The following TBCA variants were observed in gnomAD, a reference collection of about 807,000 sequenced individuals.
The protein encoded by TBCA is tubulin folding cofactor A.
TBCA carries 6 observed loss-of-function variants against 15.8 expected under a neutral mutation model. The ratio of observed to expected loss-of-function variants is 0.38; its 90% CI spans 0.21 to 0.75. The LOEUF is 0.75. Ranked by LOEUF, TBCA falls within the 30% of genes least tolerant of loss-of-function variation. The probability of loss-of-function intolerance (pLI) is 0.46; values close to 1 mark genes in which losing one functional copy is unlikely to be tolerated. For missense variants in TBCA, 90 were observed against 131.2 expected, an observed-to-expected ratio of 0.69 and a Z score of 1.53; for synonymous variants, 32 against 42.3, an observed-to-expected ratio of 0.76 and a Z score of 0.94.
chr5:77,748,072 A>G (rs1747230757), intron 1 of TBCA, among the ~76,000 whole-genome samples: 1 of 152,212 alleles, frequency 6.6e-6, no homozygotes, highest in East Asian at 1.9e-4. Flanking sequence ...AGCATAAGCA[A>G]TGGTTATTCT....
chr5:77,745,533 GA>G (rs1472914165), intron 1 of TBCA, among the ~76,000 whole-genome samples: 1 of 152,158 alleles, frequency 6.6e-6, no homozygotes, highest in Non-Finnish European at 1.5e-5. Context: ...GTTTAAACCT[GA>G]ATATCTGATA....
chr5:77,705,504 T>G (rs1030788237), intron 2 of TBCA: 1 of 398,246 alleles, frequency 2.5e-6, no homozygotes, highest in African/African-American at 2.1e-5. Context: ...ATTCCATATG[T>G]AAATCCTTAT....
chr5:77,694,363 A>T (rs979393382), intron 2 of TBCA: 3 of 152,196 alleles, frequency 2.0e-5, no homozygotes, highest in African/African-American at 7.2e-5. Flanking sequence ...GATGACAGAC[A>T]CTACAGAATT....
At chr5:77,717,177 T>C (rs191201436) in intron 1 of TBCA, among the ~76,000 whole-genome samples, 46 of 152,332 alleles carry the variant, frequency 3.0e-4, no homozygotes, top group African/African-American at 1.0e-3. Context: ...CGTAAAAGCG[T>C]ACTGCTTCTA....
intron 1 of TBCA, among the ~76,000 whole-genome samples, chr5:77,717,761 G>C (rs964809911): frequency 6.6e-6 from 1 of 151,788 alleles, no homozygotes; most frequent in African/African-American, 2.4e-5. Flanking sequence ...GAAACCAAGA[G>C]GCAGAGGTTG....
Position 77,736,387 on chromosome 5 carries a change from G to T in TBCA, c.54-28040C>A, listed in dbSNP as rs1404469381. On this transcript the variant is annotated intron_variant, in intron 1 of 3. Transcript: ENST00000380377. ...TGGAAAAAAATCATGAAACGACTAG[G>T]AAACAACTGCTCTCTTTTCTTCTAC... Among the ~76,000 whole-genome samples the T allele has an allele frequency of 3.3e-5, 5 of 150,622 alleles. No individual in the cohort carries two copies. The South Asian group carries it at 6.3e-4, about 19-fold the overall frequency.
At chr5:77,723,638 T>C (rs1191664764) in intron 1 of TBCA, among the ~76,000 whole-genome samples, 3 of 151,964 alleles carry the variant, frequency 2.0e-5, no homozygotes, top group Admixed American at 6.6e-5. Context: ...AAAAAATACC[T>C]GTAGTCCATT....
chr5:77,770,574 C>A (rs988831352), intron 1 of TBCA, among the ~76,000 whole-genome samples: 1 of 63,524 alleles, frequency 1.6e-5, no homozygotes, highest in African/African-American at 1.4e-4. Flanking sequence ...TATCCTCCCC[C>A]GCTCCAAAAA....
intron 1 of TBCA, among the ~76,000 whole-genome samples, chr5:77,751,760 G>A (rs1298329019): frequency 6.6e-6 from 1 of 152,186 alleles, no homozygotes; most frequent in African/African-American, 2.4e-5. Context: ...AGCTGTGTGG[G>A]AGACCAGAGT....
intron 2 of TBCA, among the ~76,000 whole-genome samples, chr5:77,701,839 T>C (rs909478398): frequency 6.6e-6 from 1 of 151,108 alleles, no homozygotes; most frequent in African/African-American, 2.4e-5. Flanking sequence ...AGATATATGA[T>C]GGAATACTAC....
Position 77,776,333 on chromosome 5 carries a change from TA to T in TBCA, c.-77del, listed in dbSNP as rs1326189620. ...GAGGGCGACGCGCAGAGGCTGCGGC[TA>T]TTTAGGCGTGGTCGCCGGCGCGCAT... On this transcript the variant is annotated 5_prime_UTR_variant, in exon 1 of 4. Coordinates refer to ENST00000380377, the MANE Select transcript of TBCA (RefSeq NM_004607.3). The T allele has an allele frequency of 5.3e-6, 8 of 1,520,880 alleles. No homozygotes were observed. The East Asian group carries it at 2.0e-4, about 38-fold the overall frequency. 94.2% of individuals were successfully genotyped at this position (1,520,880 alleles called of 1,614,324 possible). A position where few individuals can be genotyped will look rare whatever the true frequency, so the allele number is the denominator to read the frequency against.
chr5:77,740,858 T>C (rs1747014939), intron 1 of TBCA, among the ~76,000 whole-genome samples: 1 of 152,216 alleles, frequency 6.6e-6, no homozygotes, highest in South Asian at 2.1e-4. Context: ...AAACTACATC[T>C]GTCTTATTCA....
intron 2 of TBCA, among the ~76,000 whole-genome samples, chr5:77,704,918 A>T (rs534145783): frequency 1.3e-5 from 2 of 152,382 alleles, no homozygotes; most frequent in Admixed American, 6.5e-5. Context: ...CTGTTAAAAA[A>T]TATGATACCT....
intron 3 of TBCA, chr5:77,692,077 T>C (rs986633293): frequency 2.0e-6 from 2 of 984,074 alleles, no homozygotes; most frequent in Admixed American, 6.1e-5. Flanking sequence ...ATAATACTGA[T>C]ATACAGGCAA....
intron 1 of TBCA, among the ~76,000 whole-genome samples, chr5:77,753,785 T>C (rs1366735249): frequency 1.3e-5 from 2 of 152,196 alleles, no homozygotes; most frequent in Admixed American, 6.5e-5. Context: ...TTTGTTTTCA[T>C]TCTCGCTCTG....
chr5:77,733,454 T>C (rs1746821154), intron 1 of TBCA, among the ~76,000 whole-genome samples: 2 of 152,148 alleles, frequency 1.3e-5, no homozygotes, highest in Admixed American at 1.3e-4. Context: ...CGAATGATAA[T>C]AAAGCAAAAC....
chr5:77,693,509 G>T, intron 2 of TBCA, 157 bp from the exon 3 acceptor site: 2 of 962,244 alleles, frequency 2.1e-6, no homozygotes, highest in Non-Finnish European at 3.1e-6. Flanking sequence ...TTTATTAGAA[G>T]TTAGAAAGGC....
intron 1 of TBCA, among the ~76,000 whole-genome samples, chr5:77,755,902 G>A (rs1431177201): frequency 1.3e-5 from 2 of 152,096 alleles, no homozygotes; most frequent in East Asian, 3.9e-4. Context: ...TACTCAGGAG[G>A]CTGAGGCGGG....
intron 2 of TBCA, among the ~76,000 whole-genome samples, chr5:77,705,103 A>G (rs1304156218): frequency 1.3e-5 from 2 of 152,232 alleles, no homozygotes; most frequent in Non-Finnish European, 2.9e-5. Context: ...TAAAGTAGTG[A>G]TTTCATTGAA....
Sources: allele counts gnomAD v4.1 joint callset (sites outside exome capture counted in the v4.1 genomes callset), GRCh38; gene constraint gnomAD v4.1.1; transcripts MANE v1.5; gene names NCBI Gene and HGNC (gene_info 2026-07-23, HGNC 2026-07-21).